The following ATG4B variants were observed in gnomAD, a reference collection of about 807,000 sequenced individuals.
ATG4B encodes the protein autophagy related 4B cysteine peptidase.
In ATG4B, 29 loss-of-function variants were observed where a neutral mutation model predicts 56.6. That is an observed-to-expected ratio of 0.51 (90% CI 0.38 to 0.70). The LOEUF (loss-of-function observed/expected upper bound fraction) is 0.70, where lower values mean the gene tolerates loss of function less well. ATG4B is among the 30% of genes least tolerant of loss of function. The pLI is 0.00. For synonymous variants in ATG4B, 224 were observed against 206.1 expected, an observed-to-expected ratio of 1.09 and a Z score of -0.74; for missense variants, 461 against 515.5, an observed-to-expected ratio of 0.89 and a Z score of 1.02.
At chr2:241,649,599 C>T (rs957229944) in intron 1 of ATG4B, among the ~76,000 whole-genome samples, 7 of 152,146 alleles carry the variant, frequency 4.6e-5, no homozygotes, top group African/African-American at 1.4e-4. Flanking sequence ...CCTCTGGTGC[C>T]GCCCCAGAAT....
intron 7 of ATG4B, among the ~76,000 whole-genome samples, chr2:241,662,461 A>G (rs986619543): frequency 2.0e-5 from 3 of 152,226 alleles, no homozygotes; most frequent in African/African-American, 7.2e-5. Context: ...AAATATAAAG[A>G]GAACACGAGA....
intron 1 of ATG4B, 171 bp downstream of exon 1, chr2:241,637,895 GCGGT>G: frequency 1.9e-6 from 1 of 538,684 alleles, no homozygotes; most frequent in Non-Finnish European, 2.8e-6. Context: ...TGGGTGGTGG[GCGGT>G]GGGAGCGGGA....
chr2:241,641,676 G>C (rs1323513751), intron 1 of ATG4B, among the ~76,000 whole-genome samples: 1 of 152,206 alleles, frequency 6.6e-6, no homozygotes, highest in Non-Finnish European at 1.5e-5. Context: ...CATCCTTGTA[G>C]AGCAGTGTCC....
chr2:241,651,359 C>T lies in ATG4B; in HGVS notation c.184+24C>T, dbSNP rs568424479. On this transcript the variant is annotated intron_variant, in intron 3 of 12. Transcript: ENST00000404914. This position sits in a 1 kb window ranked among gnomAD's most constrained non-coding sequence, Gnocchi z 4.1. Reference sequence around the variant, plus strand: ...TGGTAAGTACTCTGTTTTATTACAACGCGGGACAAAATATGTTTTTAGGAA... The same window carrying T: ...TGGTAAGTACTCTGTTTTATTACAATGCGGGACAAAATATGTTTTTAGGAA... 5.9e-5 allele frequency: 90 copies of T among 1,533,056 alleles called. No individual in the cohort carries two copies. Among genetic ancestry groups the T allele is most frequent in the Middle Eastern group, 5.1e-4 (3 of 5,894 alleles). The allele number at this position is 1,533,056 out of a possible 1,614,324, so 95.0% of individuals were successfully genotyped here.
intron 5 of ATG4B, 158 bp from the exon 6 acceptor site, chr2:241,655,113 C>T (rs887960826): frequency 1.9e-5 from 13 of 681,556 alleles, no homozygotes; most frequent in Admixed American, 1.2e-4. Flanking sequence ...TGTTTGCCCC[C>T]TCATGCCTCC....
intron 12 of ATG4B, 166 bp downstream of exon 12, chr2:241,671,571 C>T (rs1409408140): frequency 1.3e-6 from 2 of 1,525,494 alleles, no homozygotes; most frequent in Admixed American, 2.0e-5. Flanking sequence ...GGAGCGTCCC[C>T]TCCTCCAAGC....
intron 1 of ATG4B, among the ~76,000 whole-genome samples, chr2:241,647,207 G>A (rs555627435): frequency 6.6e-6 from 1 of 152,200 alleles, no homozygotes; most frequent in Non-Finnish European, 1.5e-5. Context: ...TAGCTCTGCT[G>A]TACTTTAAAT....
Position 241,651,942 on chromosome 2 carries a change from T to C in ATG4B, c.184+607T>C. The C allele has an allele frequency of 7.7e-7, 1 of 1,304,134 alleles. No individual in the cohort carries two copies. The highest frequency in any genetic ancestry group is 1.0e-6 in the Non-Finnish European group (1 of 988,816). 80.8% of individuals were successfully genotyped at this position (1,304,134 alleles called of 1,614,324 possible). ...AGGAGATGGGGACTGGTTCTCAGCC[T>C]TGCCTCTCACCGGCGGAGAACTGAG... is the stretch of plus-strand genomic sequence containing the variant. On this transcript the variant is annotated intron_variant, in intron 3 of 12. Coordinates refer to ENST00000404914, the MANE Select transcript of ATG4B (RefSeq NM_013325.5). This position sits in a 1 kb window ranked among gnomAD's most constrained non-coding sequence, Gnocchi z 4.1.
chr2:241,668,458 A>G lies in ATG4B; in HGVS notation c.812-82A>G, dbSNP rs2068848410. 2.0e-6 allele frequency: 3 copies of G among 1,525,882 alleles called. No homozygotes were observed. The highest frequency in any genetic ancestry group is 2.7e-5 in the African/African-American group (2 of 72,786). 94.5% of individuals were successfully genotyped at this position (1,525,882 alleles called of 1,614,324 possible). A position where few individuals can be genotyped will look rare whatever the true frequency, so the allele number is the denominator to read the frequency against. On this transcript the variant is annotated intron_variant, in intron 9 of 12. Coordinates refer to ENST00000404914, the MANE Select transcript of ATG4B (RefSeq NM_013325.5). The surrounding 1 kb of genome is among the most constrained non-coding windows in gnomAD (Gnocchi z 4.2). ...CTGCTTCTCAGTGTGATGTGGGTGCAGTGGGTCTGAAATGCGGCCTCCTCT... is the reference window on the plus strand; with the variant it reads ...CTGCTTCTCAGTGTGATGTGGGTGCGGTGGGTCTGAAATGCGGCCTCCTCT...
At chr2:241,666,967 G>A in intron 8 of ATG4B, 129 bp downstream of exon 8, 1 of 1,095,958 alleles carries the variant, frequency 9.1e-7, no homozygotes, top group Middle Eastern at 3.1e-4. Flanking sequence ...AAACAACCCT[G>A]GTTTACACCG....
chr2:241,660,184 G>A (rs944205585), intron 7 of ATG4B, among the ~76,000 whole-genome samples: 3 of 152,236 alleles, frequency 2.0e-5, no homozygotes, highest in East Asian at 1.9e-4. Context: ...GCGAGAATCC[G>A]TCCCCCGCCC....
At chr2:241,640,100 G>T (rs1007621099) in intron 1 of ATG4B, among the ~76,000 whole-genome samples, 1 of 152,150 alleles carries the variant, frequency 6.6e-6, no homozygotes, top group African/African-American at 2.4e-5. Context: ...GTTCAGTGTC[G>T]ATCATATGAC....
At chr2:241,654,461 G>GGTGC in intron 4 of ATG4B, 85 bp from the exon 5 acceptor site, 2 of 776,708 alleles carry the variant, frequency 2.6e-6, no homozygotes. Flanking sequence ...AAAAGGTTTG[G>GGTGC]ATGCCATCTG....
In ATG4B at chr2:241,643,580, A is replaced by G. The variant is rs372162550; in HGVS notation, c.10+5856A>G. ...GATGGGTCTATATATTTATTTATGTATATATGTACATATATATATAAACAT... is the reference window on the plus strand; with the variant it reads ...GATGGGTCTATATATTTATTTATGTGTATATGTACATATATATATAAACAT... On this transcript the variant is annotated intron_variant, in intron 1 of 12. Transcript: ENST00000404914. Among the ~76,000 whole-genome samples, 35 of 149,466 alleles carry G rather than the reference A, an allele frequency of 2.3e-4. No individual in the cohort carries two copies. In the East Asian group the frequency reaches 4.1e-3, roughly 18 times the overall value.
rs1130905 is a variant in ATG4B, at chr2:241,673,369, T to G, written c.*1105T>G. 215,471 of 360,368 alleles carry G rather than the reference T, an allele frequency of 0.6. 65,746 individuals carry two copies. The highest frequency in any genetic ancestry group is 0.7 in the Middle Eastern group (688 of 978). 22.3% of individuals were successfully genotyped at this position (360,368 alleles called of 1,614,324 possible). A position where few individuals can be genotyped will look rare whatever the true frequency, so the allele number is the denominator to read the frequency against. ...CTCTGCTGCCTGTCCTGGGAAAGTA[T>G]CTTTGCCCCACTAGGAAATGTAAAC... On this transcript the variant is annotated 3_prime_UTR_variant, in exon 13 of 13. Coordinates refer to ENST00000404914, the MANE Select transcript of ATG4B (RefSeq NM_013325.5).
chr2:241,655,166 G>A, intron 5 of ATG4B, 105 bp from the exon 6 acceptor site: 3 of 1,147,582 alleles, frequency 2.6e-6, no homozygotes, highest in South Asian at 2.7e-5. Context: ...GGCTGGGTCG[G>A]GTGCTGTCCA....
chr2:241,656,736 ACAGC>A (rs2068416022), intron 6 of ATG4B, among the ~76,000 whole-genome samples: 1 of 152,270 alleles, frequency 6.6e-6, no homozygotes, highest in African/African-American at 2.4e-5. Context: ...TGGTGACCTG[ACAGC>A]CAGAGCCCGT....
At chr2:241,638,706 T>C (rs916674887) in intron 1 of ATG4B, among the ~76,000 whole-genome samples, 1 of 152,236 alleles carries the variant, frequency 6.6e-6, no homozygotes, top group Non-Finnish European at 1.5e-5. Flanking sequence ...TGCCAATATC[T>C]ATTAAAATGA....
intron 7 of ATG4B, among the ~76,000 whole-genome samples, chr2:241,661,911 G>C (rs971020658): frequency 6.6e-6 from 1 of 152,174 alleles, no homozygotes; most frequent in Admixed American, 6.5e-5. Context: ...ATTGGAAAAC[G>C]TGTCAGTCTG....
Sources: allele counts gnomAD v4.1 joint callset (sites outside exome capture counted in the v4.1 genomes callset), GRCh38; gene constraint gnomAD v4.1.1; non-coding constraint Gnocchi (gnomAD v3.1); transcripts MANE v1.5; gene names NCBI Gene and HGNC (gene_info 2026-07-23, HGNC 2026-07-21).